PITX1: variants seen among roughly 807,000 people sequenced by gnomAD.
PITX1 encodes the protein pituitary homeobox 1.
In PITX1, 5 loss-of-function variants were observed where a neutral mutation model predicts 24.1. The observed-to-expected ratio is 0.21, with a 90% CI of 0.11 to 0.44. PITX1 has a LOEUF of 0.44. PITX1 is among the 20% of genes least tolerant of loss of function. The probability of loss-of-function intolerance (pLI) is 0.99; values close to 1 mark genes in which losing one functional copy is unlikely to be tolerated. For synonymous variants in PITX1, 213 were observed against 208.9 expected (o/e 1.02, Z -0.17); for missense variants, 401 against 455.4 (o/e 0.88, Z 1.09).
Position 135,033,995 on chromosome 5 carries a change from T to A in PITX1, c.-114A>T. The A allele has an allele frequency of 1.2e-5, 7 of 573,522 alleles. No homozygotes were observed. The highest frequency in any genetic ancestry group is 8.1e-5 in the South Asian group (1 of 12,290). The allele number at this position is 573,522 out of a possible 1,614,324, so 35.5% of individuals were successfully genotyped here. A position where few individuals can be genotyped will look rare whatever the true frequency, so the allele number is the denominator to read the frequency against. ...CGCCTAAGCGGCTGCCCTCCAGGGC[T>A]GCCGGCGCCTGCAGCGACGCCGTGC... On this transcript the variant is annotated 5_prime_UTR_variant, in exon 1 of 3. Transcript: ENST00000265340. This position sits in a 1 kb window ranked among gnomAD's most constrained non-coding sequence, Gnocchi z 5.9.
rs752488600 is a variant in PITX1 at position 135,033,717 on chromosome 5, C to A, written c.165G>T (p.Leu55=). 1.3e-6 allele frequency: 2 copies of A among 1,596,376 alleles called. No individual in the cohort carries two copies. The highest frequency in any genetic ancestry group is 1.7e-5 in the Admixed American group (1 of 59,818). ...CGCGCGGGGAACGGCGCTTACCTGG[C>A]AGCTCCGTGTCAGACGACTCGCTGG... The part of the protein sequence containing the change: ...NSASESSDTE[L]PEKERGGEPK... Residue 55 remains leucine (L), a synonymous_variant, in exon 1 of 3, where the codon CTG becomes CTT. Transcript: ENST00000265340. This position sits in a 1 kb window ranked among gnomAD's most constrained non-coding sequence, Gnocchi z 5.9.
chr5:135,030,670 C>T (rs1752431643), intron 2 of PITX1, among the ~76,000 whole-genome samples: 1 of 151,988 alleles, frequency 6.6e-6, no homozygotes, highest in South Asian at 2.1e-4. Flanking sequence ...CCCGGAGCCA[C>T]CCCCCACCTC....
chr5:135,032,419 C>G (rs373085045), intron 1 of PITX1, among the ~76,000 whole-genome samples: 5 of 152,150 alleles, frequency 3.3e-5, no homozygotes, highest in Non-Finnish European at 1.5e-5. Context: ...CCCAATAAGG[C>G]CCTTGTAGAG....
In PITX1 at chr5:135,031,278, G is replaced by T. The variant is rs746217030; in HGVS notation, c.400C>A (p.Arg134=). The part of the protein sequence containing the change: ...VWTNLTEPRV[R]VWFKNRRAKW... ...TTAGGCGCGCACCCCTTGCTCACCC[G>T]CACGCGCGGCTCGGTGAGGTTGGTC... is the stretch of plus-strand genomic sequence containing the variant. The change falls in exon 2 of 3, where the codon CGG becomes AGG. Residue 134 remains arginine, a splice_region_variant and synonymous_variant. Transcript: ENST00000265340. The T allele has an allele frequency of 1.1e-5, 17 of 1,613,520 alleles. No individual in the cohort carries two copies. Among genetic ancestry groups the T allele is most frequent in the Non-Finnish European group, 1.4e-5 (17 of 1,179,486 alleles).
chr5:135,031,216 A>G lies in PITX1; in HGVS notation c.402+60T>C, dbSNP rs138169613. ...GTGGGTCTAAGCTTTGGAGGGCTGC[A>G]GCAGAGGCGGCCCGGGAGCCCTCTG... On this transcript the variant is annotated intron_variant, in intron 2 of 2. Transcript: ENST00000265340. 1,455 of 1,299,170 alleles carry G rather than the reference A, an allele frequency of 1.1e-3. 19 individuals are homozygous for G. Among genetic ancestry groups the G allele is most frequent in the Middle Eastern group, 2.2e-3 (12 of 5,352 alleles). The allele number at this position is 1,299,170 out of a possible 1,614,324, so 80.5% of individuals were successfully genotyped here. A position where few individuals can be genotyped will look rare whatever the true frequency, so the allele number is the denominator to read the frequency against.
Position 135,028,549 on chromosome 5 carries a change from C to CTTTTTT in PITX1, c.*224_*229dup, listed in dbSNP as rs70976562. The CTTTTTT allele has an allele frequency of 0.016, 1,205 of 75,926 alleles. 5 individuals carry two copies. The highest frequency in any genetic ancestry group is 0.042 in the African/African-American group (759 of 17,884). The allele number at this position is 75,926 out of a possible 1,614,324, so 4.7% of individuals were successfully genotyped here. A position where few individuals can be genotyped will look rare whatever the true frequency, so the allele number is the denominator to read the frequency against. On this transcript the variant is annotated 3_prime_UTR_variant, in exon 3 of 3. Transcript: ENST00000265340. The stretch of plus-strand genomic sequence containing the variant: ...GGCACTTTTCTCCGACGTCTTTTTG[C>CTTTTTT]TTTTTTTTTTTTTTTTTTTTTTTTG...
Position 135,033,868 on chromosome 5 carries a change from T to G in PITX1, c.14A>C (p.Lys5Thr). The G allele has an allele frequency of 6.8e-7, 1 of 1,461,018 alleles. No individual in the cohort carries two copies. Among genetic ancestry groups the G allele is most frequent in the Admixed American group, 2.6e-5 (1 of 38,494 alleles). 90.5% of individuals were successfully genotyped at this position (1,461,018 alleles called of 1,614,324 possible). MDAF[K>T]GGMSLERLPE... ...CAGCCGCTCCAGGCTCATGCCCCCC[T>G]TGAAGGCGTCCATGGAGGTGGGGAC... Residue 5 changes from lysine (K) to threonine (T), a missense_variant, in exon 1 of 3, where the codon AAG becomes ACG. By Grantham distance (78) the Lys-to-Thr change is moderately conservative. Transcript: ENST00000265340. This position sits in a 1 kb window ranked among gnomAD's most constrained non-coding sequence, Gnocchi z 5.9.
intron 1 of PITX1, among the ~76,000 whole-genome samples, chr5:135,032,284 C>T (rs1340575918): frequency 2.0e-5 from 3 of 152,174 alleles, no homozygotes; most frequent in African/African-American, 7.2e-5. Context: ...CCAGAAAGCT[C>T]CGTACAAACA....
In PITX1 at chr5:135,033,981, C is replaced by T; in HGVS notation, c.-100G>A. 1 of 798,536 alleles carries T rather than the reference C, an allele frequency of 1.3e-6. No homozygotes were observed. Among genetic ancestry groups the T allele is most frequent in the Non-Finnish European group, 1.7e-6 (1 of 594,410 alleles). 49.5% of individuals were successfully genotyped at this position (798,536 alleles called of 1,614,324 possible). On this transcript the variant is annotated 5_prime_UTR_variant, in exon 1 of 3. Coordinates refer to ENST00000265340, the MANE Select transcript of PITX1 (RefSeq NM_002653.5). This position sits in a 1 kb window ranked among gnomAD's most constrained non-coding sequence, Gnocchi z 5.9. ...GGACAAGAGCGCAGCGCCTAAGCGG[C>T]TGCCCTCCAGGGCTGCCGGCGCCTG...
At chr5:135,030,987 T>C (rs1185059970) in intron 2 of PITX1, among the ~76,000 whole-genome samples, 2 of 152,128 alleles carry the variant, frequency 1.3e-5, no homozygotes, top group Non-Finnish European at 2.9e-5. Context: ...CTGGGCCCCA[T>C]AGGGCATGGG....
At chr5:135,032,396 T>C (rs1033519656) in intron 1 of PITX1, among the ~76,000 whole-genome samples, 1 of 152,230 alleles carries the variant, frequency 6.6e-6, no homozygotes, top group Non-Finnish European at 1.5e-5. Flanking sequence ...TGTAGATAGA[T>C]TTTTAACTCC....
chr5:135,034,080 C>T lies in PITX1; in HGVS notation c.-199G>A, dbSNP rs1752520401. 5.5e-6 allele frequency: 1 copy of T among 181,992 alleles called. No individual in the cohort carries two copies. Among genetic ancestry groups the T allele is most frequent in the South Asian group, 1.9e-4 (1 of 5,132 alleles). The allele number at this position is 181,992 out of a possible 1,614,324, so 11.3% of individuals were successfully genotyped here. On this transcript the variant is annotated 5_prime_UTR_variant, in exon 1 of 3. Coordinates refer to ENST00000265340, the MANE Select transcript of PITX1 (RefSeq NM_002653.5). ...GCGGGCAGAGGCGGCGGCAGCTTCT[C>T]GCGACTGGGCGCCTGGCTCAGCGCT...
intron 2 of PITX1, 93 bp from the exon 3 acceptor site, chr5:135,029,414 C>T (rs904364663): frequency 9.7e-6 from 10 of 1,034,114 alleles, no homozygotes; most frequent in Admixed American, 7.0e-5. Flanking sequence ...CGTCGGCCCG[C>T]TGCCCTCCGA....
Position 135,028,689 on chromosome 5 carries a change from T to TTGCGAGCCGGGGCC in PITX1, c.*76_*89dup. ...GGTCCGCGGCGCGGTGAGCTGGGGC[T>TTGCGAGCCGGGGCC]TGCGAGCCGGGGCCCCGCGTGCGTC... On this transcript the variant is annotated 3_prime_UTR_variant, in exon 3 of 3. Transcript: ENST00000265340. 3 of 920,140 alleles carry TTGCGAGCCGGGGCC rather than the reference T, an allele frequency of 3.3e-6. No individual in the cohort carries two copies. Among genetic ancestry groups the TTGCGAGCCGGGGCC allele is most frequent in the Non-Finnish European group, 4.2e-6 (3 of 709,210 alleles). 57.0% of individuals were successfully genotyped at this position (920,140 alleles called of 1,614,324 possible).
chr5:135,033,965 C>T lies in PITX1; in HGVS notation c.-84G>A, dbSNP rs1353572932. 2 of 933,040 alleles carry T rather than the reference C, an allele frequency of 2.1e-6. No individual in the cohort carries two copies. Among genetic ancestry groups the T allele is most frequent in the Non-Finnish European group, 1.4e-6 (1 of 710,204 alleles). 57.8% of individuals were successfully genotyped at this position (933,040 alleles called of 1,614,324 possible). A position where few individuals can be genotyped will look rare whatever the true frequency, so the allele number is the denominator to read the frequency against. ...TGGCTGCGACCTGCGGGGACAAGAG[C>T]GCAGCGCCTAAGCGGCTGCCCTCCA... On this transcript the variant is annotated 5_prime_UTR_variant, in exon 1 of 3. Transcript: ENST00000265340. This position sits in a 1 kb window ranked among gnomAD's most constrained non-coding sequence, Gnocchi z 5.9.
Position 135,029,401 on chromosome 5 carries a change from T to C in PITX1, c.403-80A>G, listed in dbSNP as rs474853. 0.4 allele frequency: 491,243 copies of C among 1,218,474 alleles called. 105,779 individuals are homozygous for C. The highest frequency in any genetic ancestry group is 0.75 in the African/African-American group (48,939 of 65,498). The allele number at this position is 1,218,474 out of a possible 1,614,324, so 75.5% of individuals were successfully genotyped here. On this transcript the variant is annotated intron_variant, in intron 2 of 2. Transcript: ENST00000265340. ...ACCCCCTTCCCCACCGCCTGGAGCC[T>C]TCCGTCGGCCCGCTGCCCTCCGAAC... is the stretch of plus-strand genomic sequence containing the variant.
Position 135,033,619 on chromosome 5 carries a change from G to T in PITX1, c.169+94C>A. Reference sequence around the variant, plus strand: ...CGCTTCTGGGGCGGAGAGGGAGCTTGGTTGCGCGGCGCGGGCGTCAGGCCC... The same window carrying T: ...CGCTTCTGGGGCGGAGAGGGAGCTTTGTTGCGCGGCGCGGGCGTCAGGCCC... On this transcript the variant is annotated intron_variant, in intron 1 of 2. Coordinates refer to ENST00000265340, the MANE Select transcript of PITX1 (RefSeq NM_002653.5). This position sits in a 1 kb window ranked among gnomAD's most constrained non-coding sequence, Gnocchi z 5.9. 2 of 1,269,112 alleles carry T rather than the reference G, an allele frequency of 1.6e-6. No homozygotes were observed. Among genetic ancestry groups the T allele is most frequent in the Non-Finnish European group, 1.1e-6 (1 of 899,658 alleles). The allele number at this position is 1,269,112 out of a possible 1,614,324, so 78.6% of individuals were successfully genotyped here. A position where few individuals can be genotyped will look rare whatever the true frequency, so the allele number is the denominator to read the frequency against.
Position 135,033,231 on chromosome 5 carries a change from C to T in PITX1, c.169+482G>A. On this transcript the variant is annotated intron_variant, in intron 1 of 2. Transcript: ENST00000265340. This position sits in a 1 kb window ranked among gnomAD's most constrained non-coding sequence, Gnocchi z 5.9. ...CCCTTCTACTTGATGACCCCTCTCC[C>T]CCCGTTTACCCTTCCCGCCCGCCCC... 1 of 305,188 alleles carries T rather than the reference C, an allele frequency of 3.3e-6. No individual in the cohort carries two copies. Among genetic ancestry groups the T allele is most frequent in the Non-Finnish European group, 6.4e-6 (1 of 157,174 alleles). The allele number at this position is 305,188 out of a possible 1,614,324, so 18.9% of individuals were successfully genotyped here. A position where few individuals can be genotyped will look rare whatever the true frequency, so the allele number is the denominator to read the frequency against.
rs1454748987 is a variant in PITX1, at chr5:135,033,836, C to A, written c.46G>T (p.Gly16Trp). Residue 16 changes from glycine (G) to tryptophan (W), a missense_variant, in exon 1 of 3, where the codon GGG (glycine) becomes TGG (tryptophan). Gly to Trp is a radical substitution (Grantham distance 184). Coordinates refer to ENST00000265340, the MANE Select transcript of PITX1 (RefSeq NM_002653.5). The surrounding 1 kb of genome is among the most constrained non-coding windows in gnomAD (Gnocchi z 5.9). ...GGMSLERLPE[G>W]LRPPPPPPHD... Reference sequence around the variant, plus strand: ...GGTGGCGGCGGCGGCGGCCGGAGCCCCTCCGGCAGCCGCTCCAGGCTCATG... The same window carrying A: ...GGTGGCGGCGGCGGCGGCCGGAGCCACTCCGGCAGCCGCTCCAGGCTCATG... 6.6e-7 allele frequency: 1 copy of A among 1,516,668 alleles called. No individual in the cohort carries two copies. The highest frequency in any genetic ancestry group is 1.2e-5 in the South Asian group (1 of 82,090). 94.0% of individuals were successfully genotyped at this position (1,516,668 alleles called of 1,614,324 possible). A position where few individuals can be genotyped will look rare whatever the true frequency, so the allele number is the denominator to read the frequency against.
Sources: gnomAD v4.1 joint callset for allele counts (sites outside exome capture counted in the v4.1 genomes callset) on GRCh38, gnomAD v4.1.1 for gene constraint, Gnocchi (gnomAD v3.1) non-coding constraint, MANE v1.5 for transcripts, NCBI Gene and HGNC (gene_info 2026-07-23, HGNC 2026-07-21) for gene names.